RIOX2: variants seen among roughly 807,000 people sequenced by gnomAD.
The protein encoded by RIOX2 is 60S ribosomal protein L27a histidine hydroxylase.
Under a neutral mutation model 51.2 loss-of-function variants are expected in RIOX2, and 43 were observed. The observed-to-expected ratio is 0.84, with a 90% CI of 0.66 to 1.08. RIOX2 has a LOEUF of 1.08. Among genes scored for constraint, RIOX2 ranks in the 50% least tolerant of loss-of-function variants. The pLI, the probability that RIOX2 is intolerant of heterozygous loss-of-function variation, is 0.00. For synonymous variants in RIOX2, 226 were observed against 218.5 expected (o/e 1.03, Z -0.30); for missense variants, 566 against 561.7 (o/e 1.01, Z -0.08).
chr3:97,965,120 A>G (rs1705832772), intron 2 of RIOX2, among the ~76,000 whole-genome samples: 1 of 151,672 alleles, frequency 6.6e-6, no homozygotes, highest in Admixed American at 6.6e-5. Context: ...AAACCACCTT[A>G]TAATATAGCA....
At chr3:97,961,359 G>T (rs768851884) in intron 3 of RIOX2, among the ~76,000 whole-genome samples, 30 of 152,294 alleles carry the variant, frequency 2.0e-4, no homozygotes, top group Non-Finnish European at 3.5e-4. Flanking sequence ...CTTTAAATTA[G>T]TAAGGTTGGA....
At chr3:97,961,360 T>C (rs1705665835) in intron 3 of RIOX2, among the ~76,000 whole-genome samples, 1 of 152,216 alleles carries the variant, frequency 6.6e-6, no homozygotes, top group South Asian at 2.1e-4. Context: ...TTTAAATTAG[T>C]AAGGTTGGAA....
At chr3:97,957,420 C>T (rs796502563) in intron 4 of RIOX2, among the ~76,000 whole-genome samples, 9 of 150,076 alleles carry the variant, frequency 6.0e-5, no homozygotes, top group African/African-American at 1.5e-4. Context: ...TGCTTGAACC[C>T]GGGAGGCGGA....
intron 2 of RIOX2, among the ~76,000 whole-genome samples, chr3:97,962,623 G>A (rs1705728911): frequency 6.6e-6 from 1 of 152,170 alleles, no homozygotes; most frequent in South Asian, 2.1e-4. Context: ...GGAGAGAGAA[G>A]GAAGTCTGAT....
At chr3:97,948,431 C>T (rs1353152595) in intron 7 of RIOX2, among the ~76,000 whole-genome samples, 2 of 152,114 alleles carry the variant, frequency 1.3e-5, no homozygotes, top group East Asian at 3.9e-4. Context: ...TGAACACAGG[C>T]AATTCCACAG....
In RIOX2 at chr3:97,947,461, C is replaced by A. The variant is rs1193209422; in HGVS notation, c.1061-12G>T. On this transcript the variant is annotated splice_polypyrimidine_tract_variant and intron_variant, in intron 7 of 9. Transcript: ENST00000394198. ...CGGTAACTTTCCACCTAGAAAACCC[C>A]AAAGAGAGAAAGCCGACCTTCAAAA... is the stretch of plus-strand genomic sequence containing the variant. 1 of 1,610,268 alleles carries A rather than the reference C, an allele frequency of 6.2e-7. No homozygotes were observed. The highest frequency in any genetic ancestry group is 8.5e-7 in the Non-Finnish European group (1 of 1,177,178).
intron 5 of RIOX2, among the ~76,000 whole-genome samples, chr3:97,953,235 C>A (rs1705314954): frequency 6.6e-6 from 1 of 152,282 alleles, no homozygotes; most frequent in East Asian, 1.9e-4. Flanking sequence ...TGCAAACCTA[C>A]AATAGAATTT....
chr3:97,959,436 C>T (rs202160480), intron 3 of RIOX2, among the ~76,000 whole-genome samples: 1 of 151,894 alleles, frequency 6.6e-6, no homozygotes, highest in East Asian at 1.9e-4. Flanking sequence ...TCCTCTTGCC[C>T]TAGCTTCCTG....
In RIOX2 at chr3:97,967,526, T is replaced by G. The variant is rs1303097507; in HGVS notation, c.68A>C (p.Lys23Thr). 6.2e-7 allele frequency: 1 copy of G among 1,612,092 alleles called. No individual in the cohort carries two copies. The highest frequency in any genetic ancestry group is 8.5e-7 in the Non-Finnish European group (1 of 1,178,122). ...EEGPAPCKQM[K>T]LEAAGGPSAL... ...TGAAGGCCCCCCAGCTGCTTCTAAC[T>G]TCATCTGCTTACAGGGAGCCGGCCC... The change falls in exon 2 of 10, where the codon AAG becomes ACG. Residue 23 changes from lysine to threonine, a missense_variant. Lys to Thr is a moderately conservative substitution (Grantham distance 78). Transcript: ENST00000394198.
chr3:97,967,136 G>T, intron 2 of RIOX2, 26 bp downstream of exon 2: 1 of 1,598,142 alleles, frequency 6.3e-7, no homozygotes, highest in South Asian at 1.1e-5. Flanking sequence ...AATGTATGAG[G>T]ATTCTGCAAT....
intron 9 of RIOX2, chr3:97,945,583 A>G: frequency 1.6e-6 from 1 of 608,026 alleles, no homozygotes; most frequent in Non-Finnish European, 2.9e-6. Flanking sequence ...CTATAAGGCT[A>G]CAGGTCCCAG....
At chr3:97,952,115 C>A (rs1705275509) in intron 5 of RIOX2, 1 of 1,183,410 alleles carries the variant, frequency 8.5e-7, no homozygotes, top group Admixed American at 2.3e-5. Context: ...AACAATGCTA[C>A]CTTGACAGGT....
chr3:97,953,168 C>T (rs925758873), intron 5 of RIOX2, among the ~76,000 whole-genome samples: 3 of 152,132 alleles, frequency 2.0e-5, no homozygotes, highest in Admixed American at 6.5e-5. Context: ...TTTCTGAAGG[C>T]TTCTCTAATG....
chr3:97,943,012 T>C lies in RIOX2; in HGVS notation c.*2172A>G, dbSNP rs1432398220. The C allele has an allele frequency of 2.6e-5, 14 of 528,704 alleles. No individual in the cohort carries two copies. The highest frequency in any genetic ancestry group is 7.4e-5 in the Admixed American group (2 of 27,096). The allele number at this position is 528,704 out of a possible 1,614,324, so 32.8% of individuals were successfully genotyped here. ...ACGCCACTTATACAATCATGTATTA[T>C]ACCTTTTAGTATTTCAATTTGAGTC... is the stretch of plus-strand genomic sequence containing the variant. On this transcript the variant is annotated 3_prime_UTR_variant, in exon 10 of 10. Coordinates refer to ENST00000394198, the MANE Select transcript of RIOX2 (RefSeq NM_153182.4).
At chr3:97,957,415 G>C (rs1705490476) in intron 4 of RIOX2, among the ~76,000 whole-genome samples, 1 of 150,472 alleles carries the variant, frequency 6.6e-6, no homozygotes. Context: ...AGAATTGCTT[G>C]AACCCGGGAG....
Position 97,945,083 on chromosome 3 carries a change from G to T in RIOX2, c.*101C>A. The T allele has an allele frequency of 2.8e-6, 3 of 1,059,612 alleles. No homozygotes were observed. Among genetic ancestry groups the T allele is most frequent in the Non-Finnish European group, 4.0e-6 (3 of 757,902 alleles). 65.6% of individuals were successfully genotyped at this position (1,059,612 alleles called of 1,614,324 possible). ...AGGTCTCATGTTTGTTAGTAGATAC[G>T]CAGGTAAGGAAACTTGAATTCATCC... On this transcript the variant is annotated 3_prime_UTR_variant, in exon 10 of 10. Coordinates refer to ENST00000394198, the MANE Select transcript of RIOX2 (RefSeq NM_153182.4).
intron 8 of RIOX2, 45 bp from the exon 9 acceptor site, chr3:97,945,932 C>T (rs1164886417): frequency 7.3e-7 from 1 of 1,375,306 alleles, no homozygotes; most frequent in East Asian, 2.3e-5. Flanking sequence ...CAACACAACA[C>T]TGAAGGTGTC....
chr3:97,971,248 C>T (rs189442970), intron 1 of RIOX2, among the ~76,000 whole-genome samples: 3 of 152,286 alleles, frequency 2.0e-5, no homozygotes, highest in Admixed American at 2.0e-4. Flanking sequence ...TCAGAGTTAC[C>T]AGCAAGGTTG....
At position 97,944,460 on chromosome 3, in the gene RIOX2, A is replaced by G. The variant is rs904248796; in HGVS notation, c.*724T>C. The G allele has an allele frequency of 6.6e-6, 1 of 152,408 alleles. No homozygotes were observed. 9.4% of individuals were successfully genotyped at this position (152,408 alleles called of 1,614,324 possible). On this transcript the variant is annotated 3_prime_UTR_variant, in exon 10 of 10. Transcript: ENST00000394198. ...AGAAAAATGCTCTATTTTTATAAAG[A>G]AAGATTAAATTCTCCAATGATATTT...
Sources: allele counts gnomAD v4.1 joint callset (sites outside exome capture counted in the v4.1 genomes callset), GRCh38; gene constraint gnomAD v4.1.1; transcripts MANE v1.5; gene names NCBI Gene and HGNC (gene_info 2026-07-23, HGNC 2026-07-21).